Variants in CEP162 observed in about 807,000 individuals in gnomAD.
The protein encoded by CEP162 is centrosomal protein 162.
CEP162 carries 141 observed loss-of-function variants against 169.2 expected under a neutral mutation model. The ratio of observed to expected loss-of-function variants is 0.83; its 90% CI spans 0.73 to 0.96. The LOEUF (loss-of-function observed/expected upper bound fraction) is 0.96. Ranked by LOEUF, CEP162 falls within the 40% of genes least tolerant of loss-of-function variation. The pLI is 0.00. For synonymous variants in CEP162, 540 were observed against 526.4 expected (o/e 1.03, Z -0.35); for missense variants, 1,600 against 1,587.2 (o/e 1.01, Z -0.14).
At position 84,125,139 on chromosome 6, in the gene CEP162, T is replaced by C. The variant is rs1270176666; in HGVS notation, c.4143A>G (p.Arg1381=). ...TELDSILDVL[R]ELHRQGVVVP... ...CAACCACTCCTTGCCGGTGCAGCTCTCGGAGAACATCTAATATTGAGTCTA... is the reference window on the plus strand; with the variant it reads ...CAACCACTCCTTGCCGGTGCAGCTCCCGGAGAACATCTAATATTGAGTCTA... The change falls in exon 27 of 27, where the codon CGA becomes CGG. Residue 1381 remains arginine (R), a synonymous_variant. Coordinates refer to ENST00000403245, the MANE Select transcript of CEP162 (RefSeq NM_014895.4). 43 of 1,613,602 alleles carry C rather than the reference T, an allele frequency of 2.7e-5. No individual in the cohort carries two copies. Among genetic ancestry groups the C allele is most frequent in the Non-Finnish European group, 3.6e-5 (43 of 1,179,664 alleles).
rs57429448 is a variant in CEP162 at position 84,223,530 on chromosome 6, A to AAT, written c.58-2360_58-2359insAT. Among the ~76,000 whole-genome samples the AAT allele has an allele frequency of 1.9e-3, 278 of 146,802 alleles. 3 individuals are homozygous for AAT. Among genetic ancestry groups the AAT allele is most frequent in the Middle Eastern group, 7.0e-3 (2 of 286 alleles). ...AAATAAATAAATAAATAAATAAATAAAAATAAAAATAAAATAAATAGAAAT... is the reference window on the plus strand; with the variant it reads ...AAATAAATAAATAAATAAATAAATAAATAAATAAAAATAAAATAAATAGAAAT... On this transcript the variant is annotated intron_variant, in intron 2 of 26. Transcript: ENST00000403245.
At chr6:84,155,848 A>G (rs1033923063) in intron 21 of CEP162, among the ~76,000 whole-genome samples, 4 of 152,168 alleles carry the variant, frequency 2.6e-5, no homozygotes, top group Admixed American at 6.6e-5. Context: ...TCAAATTACC[A>G]AAGTCATTTT....
At position 84,161,846 on chromosome 6, in the gene CEP162, T is replaced by C. The variant is rs2099525907; in HGVS notation, c.2576A>G (p.Gln859Arg). The C allele has an allele frequency of 6.3e-7, 1 of 1,588,118 alleles. No homozygotes were observed. Among genetic ancestry groups the C allele is most frequent in the African/African-American group, 1.3e-5 (1 of 74,528 alleles). Residue 859 changes from glutamine to arginine, a missense_variant, in exon 20 of 27, where the codon CAA becomes CGA. Physicochemically the swap from Gln to Arg is conservative, Grantham distance 43. Transcript: ENST00000403245. ...ETHKQEISRL[Q>R]KRLQWYAENQ... ...TTCAGCATACCACTGTAATCTTTTT[T>C]GCAGACGACTGATTTCTTGTTTATG...
rs769863278 is a variant in CEP162, at chr6:84,186,477, G to A, written c.1256C>T (p.Thr419Ile). ...NDENVILQKT[T>I]NESMENSCPQ... ...ACAGCTGTTTTCCATACTCTCATTTGTGGTCTTTTGTAAAATCACATTCTC... is the reference window on the plus strand; with the variant it reads ...ACAGCTGTTTTCCATACTCTCATTTATGGTCTTTTGTAAAATCACATTCTC... Residue 419 changes from threonine to isoleucine, a missense_variant, in exon 12 of 27, where the codon ACA (threonine) becomes ATA (isoleucine). Coordinates refer to ENST00000403245, the MANE Select transcript of CEP162 (RefSeq NM_014895.4). 2.5e-6 allele frequency: 4 copies of A among 1,613,030 alleles called. No homozygotes were observed. The African/African-American group carries it at 5.3e-5, about 22-fold the overall frequency.
chr6:84,135,243 AT>A (rs1297733526), intron 25 of CEP162, among the ~76,000 whole-genome samples: 2 of 152,244 alleles, frequency 1.3e-5, no homozygotes, highest in African/African-American at 4.8e-5. Context: ...AATAGCATCA[AT>A]AAAAAGCATA....
chr6:84,187,732 T>G (rs1206161597), intron 11 of CEP162, among the ~76,000 whole-genome samples: 1 of 152,186 alleles, frequency 6.6e-6, no homozygotes, highest in Non-Finnish European at 1.5e-5. Flanking sequence ...GGCAAAACAT[T>G]GCTAAACTGT....
intron 3 of CEP162, among the ~76,000 whole-genome samples, chr6:84,216,854 A>G (rs1330389147): frequency 6.6e-6 from 1 of 152,210 alleles, no homozygotes; most frequent in Non-Finnish European, 1.5e-5. Flanking sequence ...TGTTGCAGCT[A>G]GGCAATGGGT....
At chr6:84,171,175 A>T (rs558050459) in intron 17 of CEP162, among the ~76,000 whole-genome samples, 3 of 152,136 alleles carry the variant, frequency 2.0e-5, no homozygotes, top group African/African-American at 4.8e-5. Flanking sequence ...CTCCACAAGG[A>T]CCTCCACCAT....
chr6:84,190,255 C>G (rs545972132), intron 11 of CEP162, among the ~76,000 whole-genome samples: 71 of 151,988 alleles, frequency 4.7e-4, no homozygotes, highest in African/African-American at 1.7e-3. Context: ...CTGATGGGGA[C>G]GTGGAGAACC....
chr6:84,175,305 T>A lies in CEP162; in HGVS notation c.1706A>T (p.Asp569Val). 1 of 1,547,436 alleles carries A rather than the reference T, an allele frequency of 6.5e-7. No individual in the cohort carries two copies. The highest frequency in any genetic ancestry group is 8.7e-7 in the Non-Finnish European group (1 of 1,144,782). Residue 569 changes from aspartate (D) to valine (V), a missense_variant, in exon 14 of 27, where the codon GAT becomes GTT. Asp to Val is a radical substitution (Grantham distance 152). Transcript: ENST00000403245. ...GTKLIKPAAL[D>V]KPAHKTESCL... is the part of the protein sequence containing the mutation. ...ACTTTCAGTTTTGTGAGCTGGTTTA[T>A]CCAAAGCTGCAGGCTTGATGAGTTT...
At chr6:84,219,280 G>A (rs774670783) in intron 3 of CEP162, 27 of 612,198 alleles carry the variant, frequency 4.4e-5, no homozygotes, top group Non-Finnish European at 6.0e-5. Flanking sequence ...GGTTATTCCC[G>A]TGGGCAGGGA....
intron 25 of CEP162, among the ~76,000 whole-genome samples, chr6:84,128,667 C>T (rs1458639487): frequency 1.3e-5 from 2 of 152,034 alleles, no homozygotes; most frequent in East Asian, 1.9e-4. Flanking sequence ...ATATAAAACA[C>T]TTTGCACAGT....
chr6:84,142,078 A>T lies in CEP162; in HGVS notation c.3870+4609T>A, dbSNP rs2099516927. ...CATTTGAGACTAAAGAAAAAAAGGC[A>T]GCCCAGAGGGAGAAGAGTTTGTTTT... On this transcript the variant is annotated intron_variant, in intron 25 of 26. Transcript: ENST00000403245. 2.0e-5 allele frequency among the ~76,000 whole-genome samples: 3 copies of T among 152,192 alleles called. No individual in the cohort carries two copies. In the South Asian group the frequency reaches 6.2e-4, roughly 32 times the overall value.
intron 22 of CEP162, among the ~76,000 whole-genome samples, chr6:84,154,358 G>GTCTGTCTGTCTGTCTGTCTA (rs1554165787): frequency 2.7e-5 from 4 of 149,676 alleles, no homozygotes; most frequent in African/African-American, 7.4e-5. Flanking sequence ...CTGTCTGTCT[G>GTCTGTCTGTCTGTCTGTCTA]TCTATCTATC....
chr6:84,135,706 C>T (rs1269923927), intron 25 of CEP162, among the ~76,000 whole-genome samples: 1 of 151,992 alleles, frequency 6.6e-6, no homozygotes, highest in Non-Finnish European at 1.5e-5. Flanking sequence ...CTACTAAAAA[C>T]ACAAAAATTA....
intron 25 of CEP162, among the ~76,000 whole-genome samples, chr6:84,145,580 G>T (rs556625490): frequency 6.6e-6 from 1 of 152,094 alleles, no homozygotes; most frequent in Admixed American, 6.6e-5. Flanking sequence ...TATCTCTGGG[G>T]TTTTGTTATT....
At chr6:84,191,268 C>A (rs899996487) in intron 11 of CEP162, among the ~76,000 whole-genome samples, 1 of 152,094 alleles carries the variant, frequency 6.6e-6, no homozygotes, top group Non-Finnish European at 1.5e-5. Flanking sequence ...GCATACCCCT[C>A]AACCTAAAAT....
intron 9 of CEP162, among the ~76,000 whole-genome samples, chr6:84,199,280 G>A (rs2099543438): frequency 6.6e-6 from 1 of 152,104 alleles, no homozygotes; most frequent in Non-Finnish European, 1.5e-5. Flanking sequence ...AGTGAGTAAT[G>A]TGTCTCGATG....
At chr6:84,181,945 G>T (rs563358768) in intron 13 of CEP162, among the ~76,000 whole-genome samples, 1 of 152,032 alleles carries the variant, frequency 6.6e-6, no homozygotes, top group Non-Finnish European at 1.5e-5. Flanking sequence ...GGCAATCTTT[G>T]AGTGTTTTTC....
Sources: gnomAD v4.1 joint callset for allele counts (sites outside exome capture counted in the v4.1 genomes callset) on GRCh38, gnomAD v4.1.1 for gene constraint, MANE v1.5 for transcripts, NCBI Gene and HGNC (gene_info 2026-07-23, HGNC 2026-07-21) for gene names.